The following URI1 variants were observed in gnomAD, a reference collection of about 807,000 sequenced individuals.
URI1 encodes URI1 prefoldin like chaperone.
A neutral mutation model predicts 60.2 loss-of-function variants in URI1; 39 were observed. The ratio of observed to expected loss-of-function variants is 0.65; its 90% CI spans 0.50 to 0.85. The LOEUF is 0.85. URI1 is among the 40% of genes least tolerant of loss of function. The pLI, the probability that URI1 is intolerant of heterozygous loss-of-function variation, is 0.00. For synonymous variants in URI1, 251 were observed against 236.8 expected, an observed-to-expected ratio of 1.06 and a Z score of -0.55; for missense variants, 691 against 665.9, an observed-to-expected ratio of 1.04 and a Z score of -0.42.
intron 4 of URI1, among the ~76,000 whole-genome samples, chr19:29,992,464 T>G (rs2055758897): frequency 6.6e-6 from 1 of 152,228 alleles, no homozygotes; most frequent in Non-Finnish European, 1.5e-5. Context: ...CCATTTACAT[T>G]TAATGTAATA....
rs2056088639 is a variant in URI1 at position 30,016,576 on chromosome 19, A to G, written c.*1507A>G. The G allele has an allele frequency of 6.6e-6, 1 of 152,156 alleles. No homozygotes were observed. The highest frequency in any genetic ancestry group is 2.1e-4 in the South Asian group (1 of 4,832). 9.4% of individuals were successfully genotyped at this position (152,156 alleles called of 1,614,324 possible). ...TGTTCTTAACAGATTTGTAATTTCA[A>G]GATGCGTGTCATTAAATAATTTTTC... is the stretch of plus-strand genomic sequence containing the variant. On this transcript the variant is annotated 3_prime_UTR_variant, in exon 11 of 11. Coordinates refer to ENST00000392271, the MANE Select transcript of URI1 (RefSeq NM_003796.3).
intron 7 of URI1, 31 bp downstream of exon 7, chr19:30,007,669 A>G: frequency 6.5e-7 from 1 of 1,541,804 alleles, no homozygotes; most frequent in African/African-American, 1.4e-5. Context: ...TTTCCAAGAT[A>G]ATTTGTTTCT....
At chr19:30,000,739 C>G (rs934948697) in intron 4 of URI1, among the ~76,000 whole-genome samples, 1 of 151,942 alleles carries the variant, frequency 6.6e-6, no homozygotes, top group Non-Finnish European at 1.5e-5. Context: ...CAGTGGTACA[C>G]CTTGAAGCCG....
In URI1 at chr19:30,015,298, T is replaced by C. The variant is rs2056072804; in HGVS notation, c.*229T>C. 7 of 1,417,862 alleles carry C rather than the reference T, an allele frequency of 4.9e-6. No individual in the cohort carries two copies. Among genetic ancestry groups the C allele is most frequent in the Non-Finnish European group, 6.4e-6 (7 of 1,092,270 alleles). 87.8% of individuals were successfully genotyped at this position (1,417,862 alleles called of 1,614,324 possible). ...TCTCTGAATACTGTCAACACTCTTA[T>C]CTAAGTTTGCCTTTATGATGCAGTG... On this transcript the variant is annotated 3_prime_UTR_variant, in exon 11 of 11. Transcript: ENST00000392271.
chr19:30,014,477 C>A (rs2056060575), intron 10 of URI1, among the ~76,000 whole-genome samples: 1 of 152,188 alleles, frequency 6.6e-6, no homozygotes, highest in Admixed American at 6.5e-5. Flanking sequence ...GCAAGGCCAT[C>A]ATAGGATAGC....
rs1289038190 is a variant in URI1, at chr19:29,985,241, C to A, written c.171C>A (p.Asp57Glu). The A allele has an allele frequency of 1.0e-5, 16 of 1,557,098 alleles. No homozygotes were observed. The highest frequency in any genetic ancestry group is 1.4e-5 in the Non-Finnish European group (16 of 1,147,896). ...TCAACAGGAAGAAGGTAGATAATGA[C>A]TATAATGCCCTTCGAGAAAGACTCA... is the stretch of plus-strand genomic sequence containing the variant. Reference protein sequence around the residue: ...RIQHWKKVDNDYNALRERLST... With the variant: ...RIQHWKKVDNEYNALRERLST... The change falls in exon 3 of 11, where the codon GAC becomes GAA. Residue 57 changes from aspartate (D) to glutamate (E), a missense_variant. By Grantham distance (45) the Asp-to-Glu change is conservative. Coordinates refer to ENST00000392271, the MANE Select transcript of URI1 (RefSeq NM_003796.3).
At chr19:29,955,012 TTA>T (rs2055226854) in intron 1 of URI1, among the ~76,000 whole-genome samples, 2 of 152,092 alleles carry the variant, frequency 1.3e-5, no homozygotes, top group African/African-American at 4.8e-5. Flanking sequence ...CATTTTTTTT[TTA>T]TTTTTTTGGA....
Position 30,015,823 on chromosome 19 carries a change from C to T in URI1, c.*754C>T, listed in dbSNP as rs951573526. 1.0e-5 allele frequency: 4 copies of T among 394,132 alleles called. No homozygotes were observed. The highest frequency in any genetic ancestry group is 1.8e-5 in the Non-Finnish European group (4 of 223,430). 24.4% of individuals were successfully genotyped at this position (394,132 alleles called of 1,614,324 possible). A position where few individuals can be genotyped will look rare whatever the true frequency, so the allele number is the denominator to read the frequency against. On this transcript the variant is annotated 3_prime_UTR_variant, in exon 11 of 11. Coordinates refer to ENST00000392271, the MANE Select transcript of URI1 (RefSeq NM_003796.3). Reference sequence around the variant, plus strand: ...CTTTCAGTTCCTCAGATACTTCTCCCTTAGTTTTTGCAGTTTCACTGGGAT... The same window carrying T: ...CTTTCAGTTCCTCAGATACTTCTCCTTTAGTTTTTGCAGTTTCACTGGGAT...
At chr19:29,970,249 A>G (rs559359599) in intron 1 of URI1, among the ~76,000 whole-genome samples, 1 of 150,794 alleles carries the variant, frequency 6.6e-6, no homozygotes, top group African/African-American at 2.4e-5. Context: ...AAACCAGATA[A>G]TGCTGCTCTC....
At chr19:29,959,462 T>TCATCAACAAAGCCGTC (rs1467603441) in intron 1 of URI1, among the ~76,000 whole-genome samples, 4 of 152,192 alleles carry the variant, frequency 2.6e-5, no homozygotes, top group Admixed American at 2.6e-4. Flanking sequence ...TTGGAAGAGT[T>TCATCAACAAAGCCGTC]CATCAACAAA....
chr19:29,949,658 G>C (rs1416628791), intron 1 of URI1, among the ~76,000 whole-genome samples: 1 of 152,212 alleles, frequency 6.6e-6, no homozygotes, highest in African/African-American at 2.4e-5. Context: ...CTGCAATCCC[G>C]GCACGTCGGG....
chr19:29,956,322 A>G, intron 1 of URI1: 1 of 845,506 alleles, frequency 1.2e-6, no homozygotes, highest in South Asian at 1.8e-5. Context: ...GTCCAAATCA[A>G]TAGGTCTTTT....
chr19:29,953,169 C>T (rs981676235), intron 1 of URI1, among the ~76,000 whole-genome samples: 8 of 152,146 alleles, frequency 5.3e-5, no homozygotes, highest in Non-Finnish European at 1.2e-4. Flanking sequence ...TGTCTTTCTG[C>T]GCTAACCAAT....
In URI1 at chr19:29,971,225, T is replaced by C. The variant is rs1187408813; in HGVS notation, c.150T>C (p.His50=). The C allele has an allele frequency of 1.2e-6, 2 of 1,613,248 alleles. No homozygotes were observed. The highest frequency in any genetic ancestry group is 1.3e-5 in the African/African-American group (1 of 75,014). The change falls in exon 2 of 11, where the codon CAT becomes CAC. Residue 50 remains histidine, a splice_region_variant and synonymous_variant. Transcript: ENST00000392271. ...CTAACTGCCAAGAGAGAATCCAGCA[T>C]TGGTGAGTGAAAGATGGTTTTATTA... ...VVTNCQERIQ[H]WKKVDNDYNA...
At chr19:29,926,045 T>C (rs1599641739) in intron 1 of URI1, 1 of 152,216 alleles carries the variant, frequency 6.6e-6, no homozygotes, top group Middle Eastern at 3.3e-3. Flanking sequence ...GCTCCTGGGG[T>C]TCTAGGAATC....
In URI1 at chr19:30,012,667, TAGTC is replaced by T. The variant is rs1187737597; in HGVS notation, c.1425+138_1425+141del. 16 of 1,104,410 alleles carry T rather than the reference TAGTC, an allele frequency of 1.4e-5. No individual in the cohort carries two copies. The Admixed American group carries it at 4.8e-4, about 33-fold the overall frequency. The allele number at this position is 1,104,410 out of a possible 1,614,324, so 68.4% of individuals were successfully genotyped here. ...TTGGTACTAATTAATAAAAAATTAA[TAGTC>T]ACAAACAGTACAAATATTGTGATAA... On this transcript the variant is annotated intron_variant, in intron 10 of 10. Transcript: ENST00000392271.
At chr19:29,960,106 A>C (rs1037673875) in intron 1 of URI1, among the ~76,000 whole-genome samples, 2 of 152,108 alleles carry the variant, frequency 1.3e-5, no homozygotes, top group African/African-American at 4.8e-5. Flanking sequence ...ATTCCTTTTC[A>C]AACATTATTT....
At chr19:29,977,002 AAAAATAATTGTTC>A (rs1056842406) in intron 2 of URI1, among the ~76,000 whole-genome samples, 40 of 152,358 alleles carry the variant, frequency 2.6e-4, no homozygotes, top group East Asian at 2.5e-3. Context: ...GAAACTGGAC[AAAAATAATTGTTC>A]AGAGGAAAAG....
At chr19:29,976,379 G>C (rs1417083250) in intron 2 of URI1, among the ~76,000 whole-genome samples, 1 of 152,162 alleles carries the variant, frequency 6.6e-6, no homozygotes, top group Non-Finnish European at 1.5e-5. Context: ...TTGTTGTCCA[G>C]AATGACCTCA....
Sources: gnomAD v4.1 joint callset for allele counts (sites outside exome capture counted in the v4.1 genomes callset) on GRCh38, gnomAD v4.1.1 for gene constraint, MANE v1.5 for transcripts, NCBI Gene and HGNC (gene_info 2026-07-23, HGNC 2026-07-21) for gene names.